Variants in SYT2 observed in about 807,000 individuals in gnomAD.
The protein encoded by SYT2 is synaptotagmin 2, also known as synaptotagmin-2.
In SYT2, 15 loss-of-function variants were observed where a neutral mutation model predicts 39.9. The ratio of observed to expected loss-of-function variants is 0.38; its 90% CI spans 0.25 to 0.58. The LOEUF (loss-of-function observed/expected upper bound fraction) is 0.58. SYT2 is among the 20% of genes least tolerant of loss of function. SYT2 has a pLI of 0.70. For synonymous variants in SYT2, 181 were observed against 204.5 expected (o/e 0.89, Z 0.98); for missense variants, 389 against 530.3 (o/e 0.73, Z 2.62).
chr1:202,683,930 C>T (rs1258956251), intron 1 of SYT2, among the ~76,000 whole-genome samples: 1 of 151,868 alleles, frequency 6.6e-6, no homozygotes, highest in Non-Finnish European at 1.5e-5. Flanking sequence ...CAGGTGTGCT[C>T]GGTTTGTGTA....
chr1:202,604,419 C>T, intron 3 of SYT2, 36 bp downstream of exon 3: 1 of 1,604,206 alleles, frequency 6.2e-7, no homozygotes, highest in South Asian at 1.1e-5. Context: ...CTGGGCTGAG[C>T]CCCTTCCAGT....
At chr1:202,602,977 GC>G (rs55968420) in intron 4 of SYT2, 21 bp downstream of exon 4, 1 of 1,583,366 alleles carries the variant, frequency 6.3e-7, no homozygotes, top group South Asian at 1.1e-5. Context: ...CCCCCACTCT[GC>G]CCCCCCACAG....
chr1:202,632,167 G>C (rs957001253), intron 1 of SYT2: 1 of 810,642 alleles, frequency 1.2e-6, no homozygotes, highest in Non-Finnish European at 1.5e-6. Flanking sequence ...TAGATAATTT[G>C]TGGGGCACAT....
At chr1:202,684,429 T>C (rs1653607552) in intron 1 of SYT2, among the ~76,000 whole-genome samples, 1 of 152,202 alleles carries the variant, frequency 6.6e-6, no homozygotes, top group African/African-American at 2.4e-5. Flanking sequence ...TAACATAATG[T>C]CCTCCAGGTT....
intron 1 of SYT2, among the ~76,000 whole-genome samples, chr1:202,661,526 G>A (rs1692379329): frequency 6.6e-6 from 1 of 152,162 alleles, no homozygotes; most frequent in African/African-American, 2.4e-5. Context: ...ACGGTGTCAG[G>A]CCATCGATAA....
rs1690677346 is a variant in SYT2 at position 202,605,642 on chromosome 1, A to G, written c.131T>C (p.Phe44Ser). The G allele has an allele frequency of 6.2e-7, 1 of 1,613,814 alleles. No homozygotes were observed. Among genetic ancestry groups the G allele is most frequent in the East Asian group, 2.2e-5 (1 of 44,888 alleles). ...GAATAACTTCTCCTTCAGTTTGGCA[A>G]ACATGTCCTCCTGGCTCTCCCCAGC... ...GGAGESQEDM[F>S]AKLKEKLFNE... is the part of the protein sequence containing the mutation. Residue 44 changes from phenylalanine (F) to serine (S), a missense_variant, in exon 2 of 9, where the codon TTT becomes TCT. Phe to Ser is a radical substitution (Grantham distance 155). Transcript: ENST00000367268.
intron 1 of SYT2, among the ~76,000 whole-genome samples, chr1:202,669,370 G>C (rs1195258183): frequency 6.6e-6 from 1 of 151,910 alleles, no homozygotes; most frequent in Non-Finnish European, 1.5e-5. Context: ...AAATAATTTA[G>C]GCTGGACGCG....
intron 1 of SYT2, among the ~76,000 whole-genome samples, chr1:202,642,823 C>G (rs1417134036): frequency 6.6e-6 from 1 of 152,238 alleles, no homozygotes; most frequent in Non-Finnish European, 1.5e-5. Context: ...ACCCACTTCT[C>G]TCCGCACGCC....
At chr1:202,706,346 C>A (rs1251570981) in intron 1 of SYT2, among the ~76,000 whole-genome samples, 1 of 151,986 alleles carries the variant, frequency 6.6e-6, no homozygotes, top group Non-Finnish European at 1.5e-5. Flanking sequence ...GTGCTCCCTG[C>A]AGCTGGAGAA....
chr1:202,600,851 C>T (rs983043540), intron 6 of SYT2, among the ~76,000 whole-genome samples: 6 of 152,148 alleles, frequency 3.9e-5, no homozygotes, highest in African/African-American at 7.2e-5. Context: ...GGAAGGTGTG[C>T]GAGAAGCGGG....
At chr1:202,617,597 T>C (rs1470769789) in intron 1 of SYT2, among the ~76,000 whole-genome samples, 1 of 152,130 alleles carries the variant, frequency 6.6e-6, no homozygotes, top group East Asian at 1.9e-4. Flanking sequence ...AAGATCAGAC[T>C]AATACAGTCT....
At chr1:202,699,499 T>C (rs780564564) in intron 1 of SYT2, among the ~76,000 whole-genome samples, 3 of 152,248 alleles carry the variant, frequency 2.0e-5, no homozygotes, top group Non-Finnish European at 4.4e-5. Flanking sequence ...CTGGATGTTA[T>C]TCTGCCACCC....
intron 1 of SYT2, 68 bp from the exon 2 acceptor site, chr1:202,605,857 C>T: frequency 8.5e-7 from 1 of 1,182,608 alleles, no homozygotes; most frequent in Non-Finnish European, 1.2e-6. Context: ...AAAGCCCTGC[C>T]CAAAGGACCA....
At chr1:202,617,414 G>A (rs1439047738) in intron 1 of SYT2, among the ~76,000 whole-genome samples, 4 of 152,002 alleles carry the variant, frequency 2.6e-5, no homozygotes, top group Non-Finnish European at 5.9e-5. Context: ...CTGGCCATGT[G>A]AAGTGCTGGC....
rs1692340640 is a variant in SYT2 at position 202,659,499 on chromosome 1, G to A, written c.-18+50759C>T. Among the ~76,000 whole-genome samples the A allele has an allele frequency of 2.0e-5, 3 of 152,174 alleles. No homozygotes were observed. The South Asian group carries it at 6.2e-4, about 31-fold the overall frequency. The stretch of plus-strand genomic sequence containing the variant: ...AGCGGCAAAAAGAGATAGCTTAGAA[G>A]TGTGGTCAGGCTGGCAGTGTGTGGC... On this transcript the variant is annotated intron_variant, in intron 1 of 8. Coordinates refer to ENST00000367268, the MANE Select transcript of SYT2 (RefSeq NM_177402.5).
chr1:202,652,869 ATCACCAAT>A (rs1424303855), intron 1 of SYT2, among the ~76,000 whole-genome samples: 1 of 152,154 alleles, frequency 6.6e-6, no homozygotes, highest in Non-Finnish European at 1.5e-5. Flanking sequence ...AGGAACATTC[ATCACCAAT>A]TCACCTAAGA....
chr1:202,627,012 G>A lies in SYT2; in HGVS notation c.-17-21223C>T, dbSNP rs542700215. Among the ~76,000 whole-genome samples the A allele has an allele frequency of 3.9e-5, 6 of 152,288 alleles. No homozygotes were observed. The South Asian group carries it at 6.2e-4, about 16-fold the overall frequency. On this transcript the variant is annotated intron_variant, in intron 1 of 8. Coordinates refer to ENST00000367268, the MANE Select transcript of SYT2 (RefSeq NM_177402.5). ...GCTAGGCTGAGTCCATGCTGACCAC[G>A]AACTCAAGGACAGACCTTGTGTTAC...
intron 1 of SYT2, among the ~76,000 whole-genome samples, chr1:202,635,675 A>C (rs1335995517): frequency 6.6e-6 from 1 of 151,966 alleles, no homozygotes; most frequent in Non-Finnish European, 1.5e-5. Flanking sequence ...CGTACAACTC[A>C]CCCCAGATGA....
intron 1 of SYT2, among the ~76,000 whole-genome samples, chr1:202,625,023 T>C (rs147767977): frequency 4.9e-4 from 1 of 2,046 alleles, no homozygotes; most frequent in Non-Finnish European, 1.2e-3. Context: ...ATGTAGTAGG[T>C]TGTGTGTGTG....
Sources: gnomAD v4.1 joint callset for allele counts (sites outside exome capture counted in the v4.1 genomes callset) on GRCh38, gnomAD v4.1.1 for gene constraint, MANE v1.5 for transcripts, NCBI Gene and HGNC (gene_info 2026-07-23, HGNC 2026-07-21) for gene names.